KCNK9: variants seen among roughly 807,000 people sequenced by gnomAD.
The protein encoded by KCNK9 is potassium channel subfamily K member 9.
KCNK9 carries 1 observed loss-of-function variant against 10.8 expected under a neutral mutation model. The ratio of observed to expected loss-of-function variants is 0.09; its 90% CI spans 0.03 to 0.44. The LOEUF is 0.44. KCNK9 is among the 20% of genes least tolerant of loss of function. KCNK9 has a pLI of 0.97. For missense variants in KCNK9, 303 were observed against 515.0 expected (o/e 0.59, Z 3.98); for synonymous variants, 231 against 222.7 (o/e 1.04, Z -0.33).
chr8:139,629,196 T>A (rs1421340793), intron 1 of KCNK9, among the ~76,000 whole-genome samples: 2 of 152,228 alleles, frequency 1.3e-5, no homozygotes, highest in Admixed American at 1.3e-4. Context: ...TCTCCTTTAG[T>A]CCCCACAGCG....
intron 1 of KCNK9, among the ~76,000 whole-genome samples, chr8:139,621,482 T>C (rs948277903): frequency 6.6e-6 from 1 of 152,060 alleles, no homozygotes; most frequent in African/African-American, 2.4e-5. Flanking sequence ...TAATATAATA[T>C]TGCTTACATC....
At chr8:139,616,538 C>T (rs1044861583), downstream of KCNK9, 8 of 152,156 alleles carry the variant, frequency 5.3e-5, no homozygotes, top group African/African-American at 1.9e-4. Flanking sequence ...TTGAATGCTC[C>T]AGTGTTTCAG....
chr8:139,644,724 C>CT (rs879693608), intron 1 of KCNK9, among the ~76,000 whole-genome samples: 1 of 150,582 alleles, frequency 6.6e-6, no homozygotes, highest in Non-Finnish European at 1.5e-5. Flanking sequence ...GTCCCCCCCC[C>CT]CCAGAGCCTC....
chr8:139,603,450 G>A (rs919360338), intron 2 of KCNK9, among the ~76,000 whole-genome samples: 2 of 152,194 alleles, frequency 1.3e-5, no homozygotes, highest in Non-Finnish European at 2.9e-5. Flanking sequence ...ATCCACGACT[G>A]CCCTCTTACT....
At chr8:139,662,230 A>G (rs977398220) in intron 1 of KCNK9, among the ~76,000 whole-genome samples, 1 of 152,122 alleles carries the variant, frequency 6.6e-6, no homozygotes, top group Non-Finnish European at 1.5e-5. Context: ...TGGCAGGAGC[A>G]GGCTATGGGG....
intron 1 of KCNK9, among the ~76,000 whole-genome samples, chr8:139,655,410 C>G (rs1232067982): frequency 1.3e-5 from 2 of 152,126 alleles, no homozygotes; most frequent in Admixed American, 1.3e-4. Flanking sequence ...CTGGCTGGCT[C>G]TCTCCCATTC....
At chr8:139,674,931 A>T (rs1816516710) in intron 1 of KCNK9, among the ~76,000 whole-genome samples, 1 of 151,354 alleles carries the variant, frequency 6.6e-6, no homozygotes, top group African/African-American at 2.4e-5. Context: ...CCCACTCTGG[A>T]TCCCCTCTCC....
At chr8:139,679,099 C>A (rs1194358200) in intron 1 of KCNK9, among the ~76,000 whole-genome samples, 2 of 152,232 alleles carry the variant, frequency 1.3e-5, no homozygotes, top group Non-Finnish European at 2.9e-5. Context: ...TCAGCCCCTT[C>A]CCTTCTTCCT....
At chr8:139,636,778 T>C (rs540501450) in intron 1 of KCNK9, among the ~76,000 whole-genome samples, 2 of 152,362 alleles carry the variant, frequency 1.3e-5, no homozygotes, top group South Asian at 2.1e-4. Context: ...GAAAGGTTTA[T>C]GGCATTTGAA....
rs559857429 is a variant in KCNK9 at position 139,687,562 on chromosome 8, A to T, written c.283+15148T>A. On this transcript the variant is annotated intron_variant, in intron 1 of 1. Transcript: ENST00000520439. ...TACACATATATTCATATATATGTAT[A>T]CATATATTCATATATATGTATACAT... is the stretch of plus-strand genomic sequence containing the variant. Among the ~76,000 whole-genome samples, 19 of 92,810 alleles carry T rather than the reference A, an allele frequency of 2.0e-4. 1 individual carries two copies. The highest frequency in any genetic ancestry group is 8.3e-4 in the African/African-American group (17 of 20,368). 60.9% of individuals were successfully genotyped at this position (92,810 alleles called of 152,430 possible). A position where few individuals can be genotyped will look rare whatever the true frequency, so the allele number is the denominator to read the frequency against.
intron 1 of KCNK9, among the ~76,000 whole-genome samples, chr8:139,666,211 A>G (rs144221925): frequency 6.6e-6 from 1 of 152,320 alleles, no homozygotes; most frequent in African/African-American, 2.4e-5. Flanking sequence ...CTGGCTTTCC[A>G]GTGCACTGGC....
chr8:139,609,116 G>A (rs1473546718), downstream of KCNK9, among the ~76,000 whole-genome samples: 16 of 58,200 alleles, frequency 2.7e-4, no homozygotes, highest in East Asian at 2.5e-3. Context: ...ACCCCACCCC[G>A]CCCCGCTCCG....
At chr8:139,667,229 C>T (rs747142510) in intron 1 of KCNK9, among the ~76,000 whole-genome samples, 56 of 152,328 alleles carry the variant, frequency 3.7e-4, no homozygotes, top group Middle Eastern at 3.4e-3. Flanking sequence ...CACTCCAGGT[C>T]GCCTGCTGGC....
intron 1 of KCNK9, among the ~76,000 whole-genome samples, chr8:139,687,435 C>T (rs916416164): frequency 1.4e-5 from 2 of 141,320 alleles, no homozygotes; most frequent in Admixed American, 7.1e-5. Context: ...CATATATATT[C>T]ATATATATGT....
intron 1 of KCNK9, among the ~76,000 whole-genome samples, chr8:139,623,867 C>A (rs578191046): frequency 3.3e-5 from 5 of 152,166 alleles, no homozygotes; most frequent in African/African-American, 1.2e-4. Flanking sequence ...GATAATGAAA[C>A]CAGGACTCCC....
intron 1 of KCNK9, among the ~76,000 whole-genome samples, chr8:139,633,837 G>A (rs1417794207): frequency 2.0e-5 from 3 of 152,222 alleles, no homozygotes; most frequent in Admixed American, 6.5e-5. Flanking sequence ...GCGTGAAGAC[G>A]ACGACACACA....
intron 1 of KCNK9, among the ~76,000 whole-genome samples, chr8:139,626,462 G>A (rs1021559374): frequency 2.6e-5 from 4 of 152,184 alleles, no homozygotes; most frequent in African/African-American, 9.7e-5. Flanking sequence ...CTGCAGTGGG[G>A]TGGAGTGGAG....
At chr8:139,691,379 G>C (rs141394235) in intron 1 of KCNK9, among the ~76,000 whole-genome samples, 2 of 152,302 alleles carry the variant, frequency 1.3e-5, no homozygotes, top group East Asian at 3.9e-4. Context: ...GAAATAGTAA[G>C]AACATCAAAA....
At chr8:139,632,048 C>T (rs916605609) in intron 1 of KCNK9, among the ~76,000 whole-genome samples, 3 of 152,140 alleles carry the variant, frequency 2.0e-5, no homozygotes, top group Non-Finnish European at 4.4e-5. Context: ...AACCCGATGC[C>T]TCTTGGGAGG....
Sources: gnomAD v4.1 joint callset for allele counts (sites outside exome capture counted in the v4.1 genomes callset) on GRCh38, gnomAD v4.1.1 for gene constraint, MANE v1.5 for transcripts, NCBI Gene and HGNC (gene_info 2026-07-23, HGNC 2026-07-21) for gene names.